Variants in CNTN4 observed in about 807,000 individuals in gnomAD.
CNTN4 encodes the protein contactin 4.
A neutral mutation model predicts 122.5 loss-of-function variants in CNTN4; 77 were observed. The observed-to-expected ratio is 0.63, with a 90% CI of 0.52 to 0.76. The LOEUF is 0.76. Ranked by LOEUF, CNTN4 falls within the 30% of genes least tolerant of loss-of-function variation. The pLI, the probability that CNTN4 is intolerant of heterozygous loss-of-function variation, is 0.00. For synonymous variants in CNTN4, 512 were observed against 447.0 expected, an observed-to-expected ratio of 1.15 and a Z score of -1.83; for missense variants, 1,256 against 1,259.1, an observed-to-expected ratio of 1.00 and a Z score of 0.04.
At chr3:2,862,651 A>G (rs1390754434) in intron 7 of CNTN4, among the ~76,000 whole-genome samples, 2 of 152,216 alleles carry the variant, frequency 1.3e-5, no homozygotes, top group Admixed American at 6.5e-5. Context: ...AAAACTTATC[A>G]AAAGAAATCT....
At chr3:2,690,361 G>A (rs188897727) in intron 4 of CNTN4, among the ~76,000 whole-genome samples, 73 of 152,162 alleles carry the variant, frequency 4.8e-4, no homozygotes, top group Admixed American at 2.2e-3. Context: ...AAGAGAAGCC[G>A]TTTAGCATAT....
At chr3:2,505,791 G>A (rs1406159586) in intron 3 of CNTN4, among the ~76,000 whole-genome samples, 6 of 152,172 alleles carry the variant, frequency 3.9e-5, no homozygotes, top group Non-Finnish European at 8.8e-5. Context: ...CCTGAAAAGA[G>A]CTTTTAAAAT....
rs2081494134 is a variant in CNTN4 at position 2,611,610 on chromosome 3, G to A, written c.55+40052G>A. ...TTCCTCTCTTTCCCTTTTTTCCTGG[G>A]TTACCTGCTGTCCACCTAGCTTTGA... On this transcript the variant is annotated intron_variant, in intron 4 of 24. Coordinates refer to ENST00000418658, the MANE Select transcript of CNTN4 (RefSeq NM_175607.3). Among the ~76,000 whole-genome samples the A allele has an allele frequency of 2.0e-5, 3 of 151,958 alleles. No homozygotes were observed. In the South Asian group the frequency reaches 6.2e-4, roughly 31 times the overall value.
chr3:2,577,059 A>G (rs2079723475), intron 4 of CNTN4, among the ~76,000 whole-genome samples: 1 of 152,240 alleles, frequency 6.6e-6, no homozygotes, highest in Non-Finnish European at 1.5e-5. Context: ...TCTCAGGCAT[A>G]TTTAACATAC....
At chr3:2,173,700 C>T (rs1324618474) in intron 2 of CNTN4, among the ~76,000 whole-genome samples, 2 of 151,786 alleles carry the variant, frequency 1.3e-5, no homozygotes, top group Non-Finnish European at 2.9e-5. Context: ...TAATTTGGTT[C>T]GACTTGAACA....
intron 2 of CNTN4, among the ~76,000 whole-genome samples, chr3:2,190,944 C>T (rs1255727402): frequency 2.0e-5 from 3 of 152,052 alleles, no homozygotes; most frequent in Middle Eastern, 6.8e-3. Flanking sequence ...CTGGTCTTTA[C>T]GTCTGAAGTT....
intron 13 of CNTN4, among the ~76,000 whole-genome samples, chr3:2,983,767 T>C (rs1402700449): frequency 6.6e-6 from 1 of 152,230 alleles, no homozygotes. Flanking sequence ...ATGTTCTTAG[T>C]TACTACACTA....
At chr3:2,217,951 C>T (rs2038916215) in intron 2 of CNTN4, among the ~76,000 whole-genome samples, 1 of 152,232 alleles carries the variant, frequency 6.6e-6, no homozygotes, top group African/African-American at 2.4e-5. Context: ...TAAAGTCTAT[C>T]AGAGGGAGTC....
At chr3:2,949,378 T>A (rs531711041) in intron 13 of CNTN4, among the ~76,000 whole-genome samples, 1 of 152,310 alleles carries the variant, frequency 6.6e-6, no homozygotes, top group African/African-American at 2.4e-5. Flanking sequence ...ATGAAGTTTG[T>A]TTTTTCTGCC....
intron 3 of CNTN4, among the ~76,000 whole-genome samples, chr3:2,532,918 A>G (rs1280097150): frequency 6.6e-6 from 1 of 152,118 alleles, no homozygotes; most frequent in African/African-American, 2.4e-5. Flanking sequence ...ACACTGTAGA[A>G]CTCATAGCCT....
intron 3 of CNTN4, among the ~76,000 whole-genome samples, chr3:2,477,596 T>TA (rs2075868852): frequency 6.6e-6 from 1 of 152,192 alleles, no homozygotes; most frequent in South Asian, 2.1e-4. Flanking sequence ...TTTCAACTCT[T>TA]AAGCTCTATC....
intron 2 of CNTN4, among the ~76,000 whole-genome samples, chr3:2,125,788 C>G (rs568192924): frequency 2.2e-3 from 334 of 151,882 alleles, no homozygotes; most frequent in African/African-American, 7.6e-3. Flanking sequence ...GATCTCCTGA[C>G]CTCGTGATCC....
chr3:2,827,487 T>C (rs1010824490), intron 7 of CNTN4, among the ~76,000 whole-genome samples: 5 of 152,256 alleles, frequency 3.3e-5, no homozygotes, highest in African/African-American at 9.6e-5. Context: ...ATTTCTCATC[T>C]TTGGAGATAT....
In CNTN4 at chr3:2,928,713, T is replaced by G. The variant is rs534863677; in HGVS notation, c.1358+2934T>G. 1.6e-4 allele frequency among the ~76,000 whole-genome samples: 24 copies of G among 152,358 alleles called. No individual in the cohort carries two copies. The South Asian group carries it at 4.8e-3, about 30-fold the overall frequency. On this transcript the variant is annotated intron_variant, in intron 13 of 24. Transcript: ENST00000418658. ...ATGATCAAGCCCCTTTTATTAATGT[T>G]CTGCCTAGATTCTGTGTTTTGAAAG... is the stretch of plus-strand genomic sequence containing the variant.
chr3:2,478,088 G>A (rs770921043), intron 3 of CNTN4, among the ~76,000 whole-genome samples: 1 of 152,124 alleles, frequency 6.6e-6, no homozygotes, highest in Non-Finnish European at 1.5e-5. Flanking sequence ...CTAAGGAGGG[G>A]GAAAGGGCAG....
Position 2,911,137 on chromosome 3 carries a change from G to A in CNTN4, c.1207+8132G>A, listed in dbSNP as rs139681210. ...AGTACTACCTAAGGGAGTGGTTTCC[G>A]TTTTGCCTGAATCTAAGTGATGACA... On this transcript the variant is annotated intron_variant, in intron 12 of 24. Coordinates refer to ENST00000418658, the MANE Select transcript of CNTN4 (RefSeq NM_175607.3). Among the ~76,000 whole-genome samples, 52 of 152,226 alleles carry A rather than the reference G, an allele frequency of 3.4e-4. No homozygotes were observed. In the East Asian group the frequency reaches 8.7e-3, roughly 25 times the overall value.
At chr3:2,411,492 T>A (rs1462649271) in intron 3 of CNTN4, among the ~76,000 whole-genome samples, 1 of 152,196 alleles carries the variant, frequency 6.6e-6, no homozygotes, top group Non-Finnish European at 1.5e-5. Context: ...ACTATTGATA[T>A]AAAATATTTT....
intron 2 of CNTN4, among the ~76,000 whole-genome samples, chr3:2,282,487 A>G (rs1559410340): frequency 2.0e-5 from 3 of 152,050 alleles, no homozygotes; most frequent in Admixed American, 2.0e-4. Flanking sequence ...CATTTAGTAT[A>G]TGGCCTCATT....
intron 14 of CNTN4, among the ~76,000 whole-genome samples, chr3:2,991,729 G>A (rs1399169077): frequency 5.9e-5 from 9 of 152,066 alleles, no homozygotes; most frequent in South Asian, 2.1e-4. Flanking sequence ...TCTGAACTCC[G>A]CATGAACTGT....
Sources: gnomAD v4.1 joint callset for allele counts (sites outside exome capture counted in the v4.1 genomes callset) on GRCh38, gnomAD v4.1.1 for gene constraint, MANE v1.5 for transcripts, NCBI Gene and HGNC (gene_info 2026-07-23, HGNC 2026-07-21) for gene names.